Variants in ETV6 observed in about 807,000 individuals in gnomAD.
The protein encoded by ETV6 is ETS variant transcription factor 6.
ETV6 carries 16 observed loss-of-function variants against 51.1 expected under a neutral mutation model. That is an observed-to-expected ratio of 0.31 (90% CI 0.21 to 0.48). The LOEUF is 0.48. ETV6 is among the 20% of genes least tolerant of loss of function. The probability of loss-of-function intolerance (pLI) is 0.99; values close to 1 mark genes in which losing one functional copy is unlikely to be tolerated. For missense variants in ETV6, 458 were observed against 594.8 expected, an observed-to-expected ratio of 0.77 and a Z score of 2.39; for synonymous variants, 240 against 224.1, an observed-to-expected ratio of 1.07 and a Z score of -0.64.
intron 4 of ETV6, among the ~76,000 whole-genome samples, chr12:11,855,692 C>T (rs1342576715): frequency 6.6e-6 from 1 of 152,232 alleles, no homozygotes; most frequent in Non-Finnish European, 1.5e-5. Context: ...CATTTCACAG[C>T]AGGGCCCCTC....
chr12:11,793,829 T>C (rs540438979), intron 2 of ETV6, among the ~76,000 whole-genome samples: 31 of 152,348 alleles, frequency 2.0e-4, no homozygotes, highest in African/African-American at 7.2e-4. Context: ...AGCGTTCTCC[T>C]TTTTTGTGTA....
At chr12:11,773,308 C>CAT (rs369228066) in intron 2 of ETV6, among the ~76,000 whole-genome samples, 1,882 of 149,482 alleles carry the variant, frequency 0.013, 32 homozygotes, top group African/African-American at 0.041. Flanking sequence ...CTCAAAGAGC[C>CAT]ATATATATAT....
rs535790399 is a variant in ETV6 at position 11,684,161 on chromosome 12, G to A, written c.33+34001G>A. On this transcript the variant is annotated intron_variant, in intron 1 of 7. Coordinates refer to ENST00000396373, the MANE Select transcript of ETV6 (RefSeq NM_001987.5). ...TCAATTAATTTTACTTAAGATGAAT[G>A]TAAACATCATGTGTACATGCAGTTC... Among the ~76,000 whole-genome samples the A allele has an allele frequency of 2.0e-5, 3 of 152,276 alleles. No homozygotes were observed. In the South Asian group the frequency reaches 6.2e-4, roughly 32 times the overall value.
At chr12:11,858,830 T>C (rs1565555002) in intron 4 of ETV6, among the ~76,000 whole-genome samples, 1 of 63,908 alleles carries the variant, frequency 1.6e-5, no homozygotes, top group East Asian at 2.8e-4. Flanking sequence ...TCGCAAGTGA[T>C]GAGGAGAACT....
chr12:11,895,175 A>AACCC lies in ETV6; in HGVS notation c.*4129_*4130insACCC. The AACCC allele has an allele frequency of 9.5e-6, 2 of 210,326 alleles. No individual in the cohort carries two copies. The highest frequency in any genetic ancestry group is 9.6e-6 in the Non-Finnish European group (1 of 104,062). The allele number at this position is 210,326 out of a possible 1,614,324, so 13.0% of individuals were successfully genotyped here. ...TCTTTGTGACCGCAACCACCTGCAA[A>AACCC]CCAGAACGACTCTAGAATTTCCTTC... On this transcript the variant is annotated 3_prime_UTR_variant, in exon 8 of 8. Transcript: ENST00000396373.
intron 2 of ETV6, among the ~76,000 whole-genome samples, chr12:11,811,252 A>G (rs1278767838): frequency 2.0e-5 from 3 of 152,238 alleles, no homozygotes; most frequent in Non-Finnish European, 2.9e-5. Context: ...AAAATGAGAA[A>G]TGCTCTGTTT....
At chr12:11,815,004 A>G (rs1228614041) in intron 2 of ETV6, among the ~76,000 whole-genome samples, 1 of 152,200 alleles carries the variant, frequency 6.6e-6, no homozygotes, top group African/African-American at 2.4e-5. Context: ...CTAAAGGAGA[A>G]GGAAACAGAG....
intron 3 of ETV6, among the ~76,000 whole-genome samples, chr12:11,844,359 T>C (rs1256380824): frequency 6.6e-6 from 1 of 152,182 alleles, no homozygotes; most frequent in Non-Finnish European, 1.5e-5. Flanking sequence ...ATATTGAGGA[T>C]TTTAGTAGAC....
At chr12:11,660,235 A>G (rs1444451517) in intron 1 of ETV6, among the ~76,000 whole-genome samples, 2 of 152,230 alleles carry the variant, frequency 1.3e-5, no homozygotes, top group African/African-American at 4.8e-5. Flanking sequence ...GTATGGTCTC[A>G]AGCCTAGTGA....
At chr12:11,832,811 T>A (rs1465116490) in intron 2 of ETV6, among the ~76,000 whole-genome samples, 1 of 152,238 alleles carries the variant, frequency 6.6e-6, no homozygotes, top group African/African-American at 2.4e-5. Context: ...GATGGATTGA[T>A]CATTGAACAA....
intron 3 of ETV6, among the ~76,000 whole-genome samples, chr12:11,851,220 C>T (rs7138674): frequency 0.17 from 24,361 of 146,142 alleles, 2,205 homozygotes; most frequent in East Asian, 0.41. Context: ...AAAATGGATA[C>T]ACTAATTACT....
At chr12:11,699,991 A>T (rs2724651) in intron 1 of ETV6, among the ~76,000 whole-genome samples, 63,830 of 151,968 alleles carry the variant, frequency 0.42, 15,938 homozygotes, top group Non-Finnish European at 0.56. Context: ...TATAAACCTT[A>T]GTCCAAGTCA....
At chr12:11,737,229 G>T (rs1459353430) in intron 1 of ETV6, among the ~76,000 whole-genome samples, 1 of 152,214 alleles carries the variant, frequency 6.6e-6, no homozygotes, top group East Asian at 1.9e-4. Flanking sequence ...ATGGGCTGGG[G>T]TGACTTGGCC....
Position 11,892,222 on chromosome 12 carries a change from T to A in ETV6, c.*1176T>A, listed in dbSNP as rs1423307487. 2 of 227,364 alleles carry A rather than the reference T, an allele frequency of 8.8e-6. No individual in the cohort carries two copies. Among genetic ancestry groups the A allele is most frequent in the East Asian group, 1.2e-4 (2 of 16,236 alleles). 14.1% of individuals were successfully genotyped at this position (227,364 alleles called of 1,614,324 possible). ...ATGCCCTCACCTGATTTTTTTTTTT[T>A]TTTTTTTTTTTCAATTCCTAACCTT... On this transcript the variant is annotated 3_prime_UTR_variant, in exon 8 of 8. Transcript: ENST00000396373.
At chr12:11,666,912 G>A (rs1393401631) in intron 1 of ETV6, among the ~76,000 whole-genome samples, 1 of 152,194 alleles carries the variant, frequency 6.6e-6, no homozygotes, top group African/African-American at 2.4e-5. Context: ...TGGCCTGTCT[G>A]TCCACTCAGG....
intron 1 of ETV6, among the ~76,000 whole-genome samples, chr12:11,672,201 A>G (rs527561343): frequency 7.2e-5 from 11 of 152,198 alleles, no homozygotes; most frequent in East Asian, 3.9e-4. Flanking sequence ...CTATTTGACA[A>G]TGTACTCTGA....
At chr12:11,679,427 T>C (rs1238610468) in intron 1 of ETV6, among the ~76,000 whole-genome samples, 1 of 152,240 alleles carries the variant, frequency 6.6e-6, no homozygotes, top group Admixed American at 6.5e-5. Flanking sequence ...GGTTGCACTT[T>C]TTAGAAAGAC....
At chr12:11,865,226 G>C (rs1021777097) in intron 4 of ETV6, among the ~76,000 whole-genome samples, 12 of 150,444 alleles carry the variant, frequency 8.0e-5, no homozygotes, top group African/African-American at 2.7e-4. Flanking sequence ...ACTCCAGCCT[G>C]GGTGAAAGAG....
At chr12:11,847,614 G>T (rs990876537) in intron 3 of ETV6, among the ~76,000 whole-genome samples, 1 of 152,222 alleles carries the variant, frequency 6.6e-6, no homozygotes, top group African/African-American at 2.4e-5. Flanking sequence ...TGAGAATGTT[G>T]TTGAGAAGTC....
Sources: gnomAD v4.1 joint callset for allele counts (sites outside exome capture counted in the v4.1 genomes callset) on GRCh38, gnomAD v4.1.1 for gene constraint, MANE v1.5 for transcripts, NCBI Gene and HGNC (gene_info 2026-07-23, HGNC 2026-07-21) for gene names.